The following CCDC92 variants were observed in gnomAD, a reference collection of about 807,000 sequenced individuals.
The protein encoded by CCDC92 is coiled-coil domain containing 92, also known as coiled-coil domain-containing protein 92.
A neutral mutation model predicts 24.9 loss-of-function variants in CCDC92; 12 were observed. That is an observed-to-expected ratio of 0.48 (90% CI 0.31 to 0.78). The LOEUF (loss-of-function observed/expected upper bound fraction) is 0.78, where lower values mean the gene tolerates loss of function less well. CCDC92 is among the 30% of genes least tolerant of loss of function. The pLI is 0.05. For missense variants in CCDC92, 399 were observed against 439.4 expected, an observed-to-expected ratio of 0.91 and a Z score of 0.82; for synonymous variants, 193 against 196.3, an observed-to-expected ratio of 0.98 and a Z score of 0.14.
intron 1 of CCDC92, among the ~76,000 whole-genome samples, chr12:123,949,870 G>C (rs146691923): frequency 6.0e-4 from 92 of 152,368 alleles, no homozygotes; most frequent in Middle Eastern, 6.8e-3. Context: ...CTCTCCAGCA[G>C]CGTGAAGACA....
chr12:123,966,485 T>C (rs768601371), intron 1 of CCDC92: 1 of 152,252 alleles, frequency 6.6e-6, no homozygotes, highest in Admixed American at 6.5e-5. Flanking sequence ...AAAGCACTGA[T>C]GAGGGTGTCA....
At chr12:123,939,959 G>A (rs866863548) in intron 4 of CCDC92, among the ~76,000 whole-genome samples, 22 of 152,354 alleles carry the variant, frequency 1.4e-4, no homozygotes, top group African/African-American at 4.3e-4. Context: ...GCCCACACTC[G>A]GGTGGACAGT....
chr12:123,954,756 C>T (rs907550934), intron 1 of CCDC92, among the ~76,000 whole-genome samples: 2 of 152,262 alleles, frequency 1.3e-5, no homozygotes, highest in East Asian at 1.9e-4. Flanking sequence ...ACATGTGCTC[C>T]TACCATCTGT....
chr12:123,964,982 G>T lies in CCDC92; in HGVS notation c.-60+7547C>A, dbSNP rs541962254. Among the ~76,000 whole-genome samples the T allele has an allele frequency of 3.3e-5, 5 of 152,224 alleles. No individual in the cohort carries two copies. In the East Asian group the frequency reaches 9.6e-4, roughly 29 times the overall value. On this transcript the variant is annotated intron_variant, in intron 1 of 4. Transcript: ENST00000238156. ...TTATATTTACCTAAAAACTGATAAA[G>T]AAATTAAAATTCAAATGGAAAAAAC...
intron 1 of CCDC92, chr12:123,960,609 C>T (rs1288081037): frequency 6.6e-6 from 1 of 152,220 alleles, no homozygotes; most frequent in African/African-American, 2.4e-5. Context: ...GCTTTCTGAG[C>T]TCCTCAGTGG....
At chr12:123,961,690 G>A (rs540749075) in intron 1 of CCDC92, among the ~76,000 whole-genome samples, 63 of 152,318 alleles carry the variant, frequency 4.1e-4, no homozygotes, top group African/African-American at 1.5e-3. Flanking sequence ...CTGCAGTAGC[G>A]ACACAGCCTT....
chr12:123,962,859 T>TA (rs371080318), intron 1 of CCDC92: 9 of 149,960 alleles, frequency 6.0e-5, no homozygotes, highest in African/African-American at 2.2e-4. Flanking sequence ...GGTTTTTTTT[T>TA]AAAAAATCTA....
At chr12:123,947,405 G>C (rs1017830696) in intron 1 of CCDC92, among the ~76,000 whole-genome samples, 16 of 152,220 alleles carry the variant, frequency 1.1e-4, no homozygotes, top group African/African-American at 3.9e-4. Flanking sequence ...GATCCACTGG[G>C]TGAAGCCAGC....
chr12:123,937,612 G>T lies in CCDC92; in HGVS notation c.442C>A (p.Leu148Met). The stretch of plus-strand genomic sequence containing the variant: ...GCGATGGTGCTGGCCCGCTGCTCCA[G>T]CTCGCTAGACAGCAGGGTCAGCTTG... ...SHKLTLLSSE[L>M]EQRASTIAYL... Residue 148 changes from leucine to methionine, a missense_variant, in exon 5 of 5, where the codon CTG (leucine) becomes ATG (methionine). Leu to Met is a conservative substitution (Grantham distance 15). Transcript: ENST00000238156. The surrounding 1 kb of genome is among the most constrained non-coding windows in gnomAD (Gnocchi z 8.4). 6.2e-7 allele frequency: 1 copy of T among 1,613,708 alleles called. No homozygotes were observed.
Position 123,937,047 on chromosome 12 carries a change from C to T in CCDC92, c.*11G>A. Reference sequence around the variant, plus strand: ...AGTGCATGGACAGCGCGGGGTGGGGCACGGCGGGCTTCACACAGTTCTGTC... The same window carrying T: ...AGTGCATGGACAGCGCGGGGTGGGGTACGGCGGGCTTCACACAGTTCTGTC... On this transcript the variant is annotated 3_prime_UTR_variant, in exon 5 of 5. Coordinates refer to ENST00000238156, the MANE Select transcript of CCDC92 (RefSeq NM_025140.3). The surrounding 1 kb of genome is among the most constrained non-coding windows in gnomAD (Gnocchi z 8.4). 1 of 1,613,452 alleles carries T rather than the reference C, an allele frequency of 6.2e-7. No homozygotes were observed. Among genetic ancestry groups the T allele is most frequent in the South Asian group, 1.1e-5 (1 of 91,050 alleles).
Position 123,940,436 on chromosome 12 carries a change from G to A in CCDC92, c.223+2308C>T, listed in dbSNP as rs1022310878. Among the ~76,000 whole-genome samples, 3 of 152,076 alleles carry A rather than the reference G, an allele frequency of 2.0e-5. 1 individual carries two copies. The highest frequency in any genetic ancestry group is 1.9e-4 in the East Asian group (1 of 5,176). ...TCCTCCAGGGTGCAGCCTTGGCTCC[G>A]GGCTGATGTTTACCGGCCCCGACTT... On this transcript the variant is annotated intron_variant, in intron 4 of 4. Coordinates refer to ENST00000238156, the MANE Select transcript of CCDC92 (RefSeq NM_025140.3).
At chr12:123,948,734 T>C (rs549275426) in intron 1 of CCDC92, among the ~76,000 whole-genome samples, 1 of 152,354 alleles carries the variant, frequency 6.6e-6, no homozygotes, top group East Asian at 1.9e-4. Flanking sequence ...GCAGGTCCAC[T>C]TGGGGCCAGG....
chr12:123,948,834 G>A (rs1765715969), intron 1 of CCDC92, among the ~76,000 whole-genome samples: 1 of 152,180 alleles, frequency 6.6e-6, no homozygotes, highest in African/African-American at 2.4e-5. Flanking sequence ...GCTTTCTGAG[G>A]GCAAAAGAGT....
At chr12:123,960,072 T>C (rs912125805) in intron 1 of CCDC92, among the ~76,000 whole-genome samples, 1 of 152,226 alleles carries the variant, frequency 6.6e-6, no homozygotes, top group Admixed American at 6.5e-5. Flanking sequence ...TATCTAAAGG[T>C]AGGTCGCTTA....
At chr12:123,938,722 G>A (rs185543370) in intron 4 of CCDC92, among the ~76,000 whole-genome samples, 68 of 152,278 alleles carry the variant, frequency 4.5e-4, no homozygotes, top group Non-Finnish European at 9.4e-4. Flanking sequence ...TCCCGATTCA[G>A]TGTCTCCTGA....
At chr12:123,949,237 G>A (rs928822269) in intron 1 of CCDC92, among the ~76,000 whole-genome samples, 1 of 152,210 alleles carries the variant, frequency 6.6e-6, no homozygotes, top group Non-Finnish European at 1.5e-5. Flanking sequence ...AGCCCGTTTG[G>A]CAAAACGCTT....
intron 2 of CCDC92, 60 bp from the exon 3 acceptor site, chr12:123,943,553 T>A: frequency 1.3e-6 from 2 of 1,595,156 alleles, no homozygotes; most frequent in Non-Finnish European, 1.7e-6. Flanking sequence ...CTGCCTGCCC[T>A]CCTTGGCTCT....
At chr12:123,951,644 C>A (rs564469271) in intron 1 of CCDC92, among the ~76,000 whole-genome samples, 1 of 152,352 alleles carries the variant, frequency 6.6e-6, no homozygotes, top group East Asian at 1.9e-4. Context: ...CCTGACCTGG[C>A]AGCACTGCCT....
At chr12:123,941,432 A>G (rs1326743316) in intron 4 of CCDC92, among the ~76,000 whole-genome samples, 1 of 152,200 alleles carries the variant, frequency 6.6e-6, no homozygotes, top group Non-Finnish European at 1.5e-5. Context: ...AATATGAGCA[A>G]TGCAAATGGA....
Sources: gnomAD v4.1 joint callset for allele counts (sites outside exome capture counted in the v4.1 genomes callset) on GRCh38, gnomAD v4.1.1 for gene constraint, Gnocchi (gnomAD v3.1) non-coding constraint, MANE v1.5 for transcripts, NCBI Gene and HGNC (gene_info 2026-07-23, HGNC 2026-07-21) for gene names.